TTLL6: variants seen among roughly 807,000 people sequenced by gnomAD.
TTLL6 encodes the protein tubulin tyrosine ligase like 6.
A neutral mutation model predicts 96.4 loss-of-function variants in TTLL6; 75 were observed. The ratio of observed to expected loss-of-function variants is 0.78; its 90% CI spans 0.65 to 0.94. The LOEUF (loss-of-function observed/expected upper bound fraction) is 0.94, where lower values mean the gene tolerates loss of function less well. TTLL6 is among the 40% of genes least tolerant of loss of function. The probability of loss-of-function intolerance (pLI) is 0.00; values close to 1 mark genes in which losing one functional copy is unlikely to be tolerated. For synonymous variants in TTLL6, 411 were observed against 419.4 expected (o/e 0.98, Z 0.24); for missense variants, 1,030 against 1,093.0 (o/e 0.94, Z 0.81).
intron 1 of TTLL6, among the ~76,000 whole-genome samples, chr17:48,805,344 G>C (rs2039490762): frequency 6.6e-6 from 1 of 152,220 alleles, no homozygotes; most frequent in Non-Finnish European, 1.5e-5. Context: ...CTAGCTGAGA[G>C]AGTTAGTCCT....
In TTLL6 at chr17:48,789,996, C is replaced by CT. The variant is rs1475111466; in HGVS notation, c.1334dup (p.Lys446GlufsTer24). ...GTTGTCTCTCCTCCTCCAAGACTTT[C>CT]TTCTTGTCACAGCTTTCCAGGTTGA... On this transcript the variant is annotated frameshift_variant, in exon 10 of 16. Transcript: ENST00000393382. LOFTEE classifies it high-confidence loss of function. 1 of 1,614,198 alleles carries CT rather than the reference C, an allele frequency of 6.2e-7. No individual in the cohort carries two copies. Among genetic ancestry groups the CT allele is most frequent in the East Asian group, 2.2e-5 (1 of 44,886 alleles).
At chr17:48,788,118 C>A in intron 10 of TTLL6, 119 bp from the exon 11 acceptor site, 1 of 890,444 alleles carries the variant, frequency 1.1e-6, no homozygotes, top group Non-Finnish European at 1.7e-6. Context: ...TAATGGCGGT[C>A]AATCAGGATT....
At chr17:48,782,750 G>T (rs2039013642) in intron 13 of TTLL6, among the ~76,000 whole-genome samples, 2 of 151,474 alleles carry the variant, frequency 1.3e-5, no homozygotes, top group Non-Finnish European at 2.9e-5. Flanking sequence ...GTCTCGCTCT[G>T]TCACCCAGGC....
intron 13 of TTLL6, among the ~76,000 whole-genome samples, chr17:48,775,520 C>CTATTAT (rs369248868): frequency 0.37 from 53,328 of 143,042 alleles, 11,375 homozygotes; most frequent in Non-Finnish European, 0.49. Context: ...CAACATCCAT[C>CTATTAT]TATTATTATT....
chr17:48,774,082 CA>C lies in TTLL6; in HGVS notation c.2041-3986del, dbSNP rs1159647645. Among the ~76,000 whole-genome samples, 21 of 46,140 alleles carry C rather than the reference CA, an allele frequency of 4.6e-4. 2 individuals carry two copies. In the South Asian group the frequency reaches 4.9e-3, roughly 11 times the overall value. 30.3% of individuals were successfully genotyped at this position (46,140 alleles called of 152,430 possible). On this transcript the variant is annotated intron_variant, in intron 13 of 15. Transcript: ENST00000393382. ...GGACAACAAGAGCAAAACTCCATCT[CA>C]AAAAAAACAAAACAAAAAAAAAAAA...
chr17:48,812,871 T>C (rs2039615247), intron 1 of TTLL6, among the ~76,000 whole-genome samples: 1 of 152,214 alleles, frequency 6.6e-6, no homozygotes, highest in Admixed American at 6.5e-5. Flanking sequence ...ACATTTGTTA[T>C]TTACATTGTT....
intron 13 of TTLL6, 64 bp downstream of exon 13, chr17:48,784,859 G>T: frequency 7.0e-7 from 1 of 1,425,738 alleles, no homozygotes; most frequent in South Asian, 1.2e-5. Context: ...CAAGTTGGGG[G>T]TAGAGAAAGG....
At chr17:48,784,819 AG>A in intron 13 of TTLL6, 103 bp downstream of exon 13, 1 of 895,554 alleles carries the variant, frequency 1.1e-6, no homozygotes. Context: ...AGGCCCAGGG[AG>A]GCTCAGTGGC....
At position 48,817,058 on chromosome 17, in the gene TTLL6, G is replaced by A. The variant is rs2143520217; in HGVS notation, c.15C>T (p.Leu5=). Residue 5 remains leucine (L), a synonymous_variant, in exon 1 of 16, where the codon CTC becomes CTT. Coordinates refer to ENST00000393382, the MANE Select transcript of TTLL6 (RefSeq NM_001130918.3). MGAL[L]LHPSRRGPAG... Reference sequence around the variant, plus strand: ...CCGGCCCCCTCCTCGAAGGATGAAGGAGTAACGCTCCCATTGGCTGCCAGA... The same window carrying A: ...CCGGCCCCCTCCTCGAAGGATGAAGAAGTAACGCTCCCATTGGCTGCCAGA... 2 of 1,540,808 alleles carry A rather than the reference G, an allele frequency of 1.3e-6. No homozygotes were observed. Among genetic ancestry groups the A allele is most frequent in the African/African-American group, 1.4e-5 (1 of 72,816 alleles).
intron 8 of TTLL6, 84 bp downstream of exon 8, chr17:48,795,977 G>A (rs565646486): frequency 1.8e-6 from 2 of 1,110,990 alleles, no homozygotes; most frequent in South Asian, 2.9e-5. Flanking sequence ...ACACTGATGG[G>A]GACTAACAGG....
In TTLL6 at chr17:48,787,844, G is replaced by A. The variant is rs763013800; in HGVS notation, c.1556C>T (p.Thr519Ile). Residue 519 changes from threonine (T) to isoleucine (I), a missense_variant, in exon 11 of 16, where the codon ACT (threonine) becomes ATT (isoleucine). Thr to Ile is a moderately conservative substitution (Grantham distance 89, BLOSUM62 -1). Coordinates refer to ENST00000393382, the MANE Select transcript of TTLL6 (RefSeq NM_001130918.3). The stretch of plus-strand genomic sequence containing the variant: ...CTCCTCCCGAGCCCTGGAAGCAACA[G>A]TATTCTGGAAGAGGGAGTTGTTGTC... The part of the protein sequence containing the change: ...FQDNNSLFQN[T>I]VASRAREEYA... The A allele has an allele frequency of 3.1e-6, 5 of 1,614,206 alleles. No homozygotes were observed. Among genetic ancestry groups the A allele is most frequent in the Non-Finnish European group, 4.2e-6 (5 of 1,180,034 alleles).
Position 48,769,844 on chromosome 17 carries a change from C to G in TTLL6, c.2294G>C (p.Ser765Thr). Reference sequence around the variant, plus strand: ...TATCAAATGTGGCTTGTTCATGTCACTCTTTAGCAAAGTCCAGTTTGTGTT... The same window carrying G: ...TATCAAATGTGGCTTGTTCATGTCAGTCTTTAGCAAAGTCCAGTTTGTGTT... Reference protein sequence around the residue: ...SPNTNWTLLKSDMNKPHLISE... With the variant: ...SPNTNWTLLKTDMNKPHLISE... Residue 765 changes from serine (S) to threonine (T), a missense_variant, in exon 14 of 16, where the codon AGT (serine) becomes ACT (threonine). By Grantham distance (58) the Ser-to-Thr change is moderately conservative. Coordinates refer to ENST00000393382, the MANE Select transcript of TTLL6 (RefSeq NM_001130918.3). The G allele has an allele frequency of 6.2e-7, 1 of 1,614,218 alleles. No homozygotes were observed.
At chr17:48,768,042 G>GTGC (rs958725566) in intron 15 of TTLL6, among the ~76,000 whole-genome samples, 1 of 152,168 alleles carries the variant, frequency 6.6e-6, no homozygotes, top group African/African-American at 2.4e-5. Context: ...ACAAGGCAAA[G>GTGC]TGCCTAGTGG....
chr17:48,772,995 C>T (rs1380623282), intron 13 of TTLL6, among the ~76,000 whole-genome samples: 1 of 151,996 alleles, frequency 6.6e-6, no homozygotes, highest in African/African-American at 2.4e-5. Context: ...CAGAGTGAGA[C>T]CCTGTCTCAA....
chr17:48,806,997 T>C (rs2039514868), intron 1 of TTLL6, among the ~76,000 whole-genome samples: 1 of 151,852 alleles, frequency 6.6e-6, no homozygotes, highest in African/African-American at 2.4e-5. Context: ...ACTGTTGCAC[T>C]GCAGCCTGGG....
At chr17:48,795,943 C>A in intron 8 of TTLL6, 118 bp downstream of exon 8, 1 of 781,310 alleles carries the variant, frequency 1.3e-6, no homozygotes, top group Non-Finnish European at 2.1e-6. Context: ...AGTATATTCT[C>A]AGACCATGTG....
At chr17:48,801,167 G>T in intron 5 of TTLL6, 88 bp downstream of exon 5, 1 of 1,265,348 alleles carries the variant, frequency 7.9e-7, no homozygotes. Context: ...ATATGGGCAG[G>T]GAAAGTGGCA....
At position 48,787,830 on chromosome 17, in the gene TTLL6, C is replaced by T; in HGVS notation, c.1570G>A (p.Ala524Thr). 2 of 1,614,046 alleles carry T rather than the reference C, an allele frequency of 1.2e-6. No homozygotes were observed. The highest frequency in any genetic ancestry group is 1.3e-5 in the African/African-American group (1 of 75,060). Residue 524 changes from alanine (A) to threonine (T), a missense_variant, in exon 11 of 16, where the codon GCT becomes ACT. By Grantham distance (58) the Ala-to-Thr change is moderately conservative. Coordinates refer to ENST00000393382, the MANE Select transcript of TTLL6 (RefSeq NM_001130918.3). ...SLFQNTVASR[A>T]REEYARQLIQ... is the part of the protein sequence containing the mutation. ...TCCTACCGGGCATACTCCTCCCGAGCCCTGGAAGCAACAGTATTCTGGAAG... is the reference window on the plus strand; with the variant it reads ...TCCTACCGGGCATACTCCTCCCGAGTCCTGGAAGCAACAGTATTCTGGAAG...
rs201192910 is a variant in TTLL6, at chr17:48,816,994, G to A, written c.79C>T (p.Arg27Ter). 3,038 of 1,539,742 alleles carry A rather than the reference G, an allele frequency of 2.0e-3. 6 individuals carry two copies. The highest frequency in any genetic ancestry group is 2.4e-3 in the South Asian group (202 of 83,620). ...CCCGCAATTCCTACTCCCCCGTCTC[G>A]CCCCGCTGGGCTGCTAGTCCAGCTT... ...VASWTSSPAG[R>*]DGGVGIAGAW... The change falls in exon 1 of 16, where the codon CGA (arginine) becomes TGA (stop). Residue 27 changes from arginine to a stop codon, truncating the protein, a stop_gained. Transcript: ENST00000393382. LOFTEE classifies it high-confidence loss of function.
Sources: allele counts gnomAD v4.1 joint callset (sites outside exome capture counted in the v4.1 genomes callset), GRCh38; gene constraint gnomAD v4.1.1; transcripts MANE v1.5; gene names NCBI Gene and HGNC (gene_info 2026-07-23, HGNC 2026-07-21).